Variants in NRXN3 observed in about 807,000 individuals in gnomAD.
The protein encoded by NRXN3 is neurexin 3, also known as neurexin III.
A neutral mutation model predicts 137.6 loss-of-function variants in NRXN3; 32 were observed. That is an observed-to-expected ratio of 0.23 (90% CI 0.18 to 0.31). The LOEUF is 0.31. NRXN3 is among the 10% of genes least tolerant of loss of function. The probability of loss-of-function intolerance (pLI) is 1.00; values close to 1 mark genes in which losing one functional copy is unlikely to be tolerated. For synonymous variants in NRXN3, 798 were observed against 784.5 expected (o/e 1.02, Z -0.29); for missense variants, 1,574 against 2,062.5 (o/e 0.76, Z 4.59).
chr14:79,292,380 G>GT (rs945587396), intron 15 of NRXN3, among the ~76,000 whole-genome samples: 1 of 152,024 alleles, frequency 6.6e-6, no homozygotes, highest in Non-Finnish European at 1.5e-5. Flanking sequence ...CTAAGAATCC[G>GT]TTTTTTTCAG....
intron 15 of NRXN3, among the ~76,000 whole-genome samples, chr14:79,103,253 G>T (rs1186642225): frequency 1.3e-5 from 2 of 152,168 alleles, no homozygotes; most frequent in Non-Finnish European, 2.9e-5. Context: ...GGAAGAAGGT[G>T]ATTTGGGATT....
intron 10 of NRXN3, among the ~76,000 whole-genome samples, chr14:78,825,214 A>G (rs998810179): frequency 5.3e-5 from 8 of 150,960 alleles, no homozygotes; most frequent in African/African-American, 1.2e-4. Flanking sequence ...AAAAAAAAAA[A>G]AAAGAAAAAG....
At chr14:79,696,756 T>C (rs1479975442) in intron 18 of NRXN3, among the ~76,000 whole-genome samples, 3 of 151,978 alleles carry the variant, frequency 2.0e-5, no homozygotes, top group Non-Finnish European at 4.4e-5. Context: ...AAGTGAACTA[T>C]TGATATTCTT....
chr14:79,713,730 A>G (rs1438788732), intron 19 of NRXN3, among the ~76,000 whole-genome samples: 1 of 150,510 alleles, frequency 6.6e-6, no homozygotes, highest in African/African-American at 2.4e-5. Context: ...TTCCCTTAAG[A>G]GCCCTTATTT....
intron 15 of NRXN3, among the ~76,000 whole-genome samples, chr14:79,458,926 C>T (rs1038780516): frequency 6.6e-6 from 1 of 152,090 alleles, no homozygotes; most frequent in Non-Finnish European, 1.5e-5. Context: ...ATGAGTACCT[C>T]TATACTGCCA....
chr14:79,302,385 G>T (rs914976656), intron 15 of NRXN3, among the ~76,000 whole-genome samples: 2 of 151,958 alleles, frequency 1.3e-5, no homozygotes, highest in Non-Finnish European at 2.9e-5. Flanking sequence ...TTCTGGTGAG[G>T]CCCCAGGAAG....
chr14:79,171,439 A>T (rs900109164), intron 15 of NRXN3, among the ~76,000 whole-genome samples: 2 of 152,150 alleles, frequency 1.3e-5, no homozygotes, highest in Non-Finnish European at 2.9e-5. Context: ...CCTGTCATGG[A>T]GTTTCATTGT....
At chr14:78,549,071 C>T (rs980249186) in intron 4 of NRXN3, among the ~76,000 whole-genome samples, 8 of 152,282 alleles carry the variant, frequency 5.3e-5, no homozygotes, top group African/African-American at 1.2e-4. Context: ...ATGGAAATAG[C>T]GAGCGAAGAT....
intron 15 of NRXN3, among the ~76,000 whole-genome samples, chr14:79,117,496 A>G (rs940801014): frequency 1.3e-5 from 2 of 152,236 alleles, no homozygotes; most frequent in Non-Finnish European, 1.5e-5. Flanking sequence ...AATGATCACT[A>G]GCTGTCCCTA....
intron 14 of NRXN3, among the ~76,000 whole-genome samples, chr14:78,982,595 C>T (rs565209447): frequency 1.0e-4 from 13 of 125,930 alleles, no homozygotes; most frequent in African/African-American, 2.8e-4. Flanking sequence ...GATATTTACA[C>T]GCAGAAAAAT....
chr14:78,514,344 G>A (rs1357715025), intron 4 of NRXN3, among the ~76,000 whole-genome samples: 2 of 152,160 alleles, frequency 1.3e-5, no homozygotes, highest in Non-Finnish European at 2.9e-5. Context: ...GATCTGAGCT[G>A]TGTTCTATGG....
rs536680662 is a variant in NRXN3, at chr14:78,870,019, G to A, written c.2275+59675G>A. On this transcript the variant is annotated intron_variant, in intron 10 of 20. Transcript: ENST00000335750. ...GAATTCTGGCTAAACTGACCTAACA[G>A]AATTCTTGCTGAAGACAAACCAATG... is the stretch of plus-strand genomic sequence containing the variant. Among the ~76,000 whole-genome samples, 14 of 152,334 alleles carry A rather than the reference G, an allele frequency of 9.2e-5. No individual in the cohort carries two copies. In the East Asian group the frequency reaches 2.7e-3, roughly 29 times the overall value.
At chr14:79,218,529 TAAAGA>T (rs1192455433) in intron 15 of NRXN3, among the ~76,000 whole-genome samples, 2 of 151,984 alleles carry the variant, frequency 1.3e-5, no homozygotes, top group East Asian at 3.9e-4. Flanking sequence ...ATAAGAAAGT[TAAAGA>T]AGAGATGACA....
At chr14:79,759,322 T>C (rs189297270) in intron 19 of NRXN3, among the ~76,000 whole-genome samples, 6 of 151,808 alleles carry the variant, frequency 4.0e-5, no homozygotes, top group Admixed American at 3.9e-4. Context: ...GTGCACACTT[T>C]GATAGACCTG....
chr14:79,598,452 C>A (rs532092883), intron 16 of NRXN3, among the ~76,000 whole-genome samples: 252 of 152,256 alleles, frequency 1.7e-3, no homozygotes, highest in Non-Finnish European at 2.9e-3. Flanking sequence ...ATTTTGGCTC[C>A]ATTTTCTCGT....
intron 6 of NRXN3, among the ~76,000 whole-genome samples, chr14:78,682,850 C>A (rs1244706212): frequency 1.3e-5 from 2 of 152,174 alleles, no homozygotes; most frequent in Non-Finnish European, 2.9e-5. Context: ...TGGTTATAGT[C>A]AGTCATTATG....
chr14:78,459,525 C>T (rs1345178578), intron 4 of NRXN3, among the ~76,000 whole-genome samples: 2 of 152,166 alleles, frequency 1.3e-5, no homozygotes, highest in Non-Finnish European at 2.9e-5. Context: ...TCTGCCCTTT[C>T]TCCCCAGCCC....
chr14:79,658,125 A>G (rs221447), intron 16 of NRXN3, among the ~76,000 whole-genome samples: 43,897 of 152,096 alleles, frequency 0.29, 7,032 homozygotes, highest in Middle Eastern at 0.45. Context: ...TAACTCAATT[A>G]TAACATGTAA....
chr14:79,503,471 C>T (rs1009523463), intron 16 of NRXN3, among the ~76,000 whole-genome samples: 7 of 152,208 alleles, frequency 4.6e-5, no homozygotes, highest in Non-Finnish European at 8.8e-5. Flanking sequence ...TCACACCTCT[C>T]TGCCTCTGCA....
Sources: allele counts gnomAD v4.1 joint callset (sites outside exome capture counted in the v4.1 genomes callset), GRCh38; gene constraint gnomAD v4.1.1; transcripts MANE v1.5; gene names NCBI Gene and HGNC (gene_info 2026-07-23, HGNC 2026-07-21).